Variants in PTPRG observed in about 807,000 individuals in gnomAD.
PTPRG encodes the protein protein tyrosine phosphatase receptor type G, also known as receptor-type tyrosine-protein phosphatase gamma.
Under a neutral mutation model 165.3 loss-of-function variants are expected in PTPRG, and 102 were observed. That is an observed-to-expected ratio of 0.62 (90% CI 0.53 to 0.73). The LOEUF (loss-of-function observed/expected upper bound fraction) is 0.73, where lower values mean the gene tolerates loss of function less well. PTPRG is among the 30% of genes least tolerant of loss of function. The pLI, the probability that PTPRG is intolerant of heterozygous loss-of-function variation, is 0.00. For missense variants in PTPRG, 1,866 were observed against 1,861.4 expected (o/e 1.00, Z -0.05); for synonymous variants, 675 against 669.5 (o/e 1.01, Z -0.13).
chr3:61,606,175 C>G (rs1203401597), intron 1 of PTPRG, among the ~76,000 whole-genome samples: 1 of 152,222 alleles, frequency 6.6e-6, no homozygotes, highest in East Asian at 1.9e-4. Flanking sequence ...GGGCTGTGAT[C>G]TCATCGGAGG....
At chr3:62,276,650 GA>G (rs1323083665) in intron 24 of PTPRG, 1 of 279,002 alleles carries the variant, frequency 3.6e-6, no homozygotes, top group Non-Finnish European at 6.7e-6. Flanking sequence ...ATAATTGTAG[GA>G]ATAACAAACT....
intron 2 of PTPRG, among the ~76,000 whole-genome samples, chr3:61,932,764 C>G (rs1271164136): frequency 6.6e-6 from 1 of 152,196 alleles, no homozygotes; most frequent in Non-Finnish European, 1.5e-5. Flanking sequence ...AAATCTTGGT[C>G]AGAAACAATT....
At chr3:61,943,579 A>G (rs2039685249) in intron 2 of PTPRG, among the ~76,000 whole-genome samples, 1 of 152,212 alleles carries the variant, frequency 6.6e-6, no homozygotes, top group African/African-American at 2.4e-5. Context: ...CTCTGTCTCA[A>G]AATAATAATA....
Position 62,099,643 on chromosome 3 carries a change from T to C in PTPRG, c.615+21385T>C, listed in dbSNP as rs539743476. 2.6e-5 allele frequency among the ~76,000 whole-genome samples: 4 copies of C among 152,182 alleles called. No homozygotes were observed. In the East Asian group the frequency reaches 7.7e-4, roughly 29 times the overall value. ...TGAGCCATGTTATTAATTAATACTG[T>C]TATTGATAAAATGTTAATACCATAA... On this transcript the variant is annotated intron_variant, in intron 5 of 29. Transcript: ENST00000474889.
At chr3:61,659,390 G>T (rs949558488) in intron 1 of PTPRG, 1 of 985,118 alleles carries the variant, frequency 1.0e-6, no homozygotes, top group African/African-American at 1.7e-5. Flanking sequence ...CTTCACTGGA[G>T]AAGAAGATAG....
At chr3:61,705,503 T>C (rs1248385833) in intron 1 of PTPRG, among the ~76,000 whole-genome samples, 1 of 150,506 alleles carries the variant, frequency 6.6e-6, no homozygotes, top group Non-Finnish European at 1.5e-5. Context: ...CCAATAGAGA[T>C]GTTTAAAGAA....
intron 19 of PTPRG, 128 bp from the exon 20 acceptor site, chr3:62,268,907 C>T (rs139479818): frequency 1.5e-5 from 16 of 1,049,238 alleles, no homozygotes; most frequent in East Asian, 1.1e-4. Context: ...GTTAAACTCA[C>T]GTATTCCTTT....
At chr3:61,785,998 C>T (rs1211036405) in intron 2 of PTPRG, among the ~76,000 whole-genome samples, 1 of 152,138 alleles carries the variant, frequency 6.6e-6, no homozygotes, top group Non-Finnish European at 1.5e-5. Context: ...TCTGTAGTCC[C>T]CTCTCTAAAC....
chr3:62,214,122 CA>C lies in PTPRG; in HGVS notation c.2156-4728del, dbSNP rs2106872175. Among the ~76,000 whole-genome samples the C allele has an allele frequency of 6.6e-6, 1 of 152,338 alleles. No homozygotes were observed. The highest frequency in any genetic ancestry group is 6.5e-5 in the Admixed American group (1 of 15,298). On this transcript the variant is annotated intron_variant, in intron 12 of 29. Coordinates refer to ENST00000474889, the MANE Select transcript of PTPRG (RefSeq NM_002841.4). The surrounding 1 kb of genome is among the most constrained non-coding windows in gnomAD (Gnocchi z 5.2). ...TCTTTACCAGCAATCTCATCATAGG[CA>C]GCCCTTTGTGCTGATACTCAGCACA...
chr3:62,265,896 T>TACACACACACACACACACACACACACAC (rs143246257), intron 17 of PTPRG, among the ~76,000 whole-genome samples: 3,796 of 130,322 alleles, frequency 0.029, 116 homozygotes, highest in African/African-American at 0.031. Flanking sequence ...GTGCCTTATA[T>TACACACACACACACACACACACACACAC]ACACACACAC....
At chr3:61,723,697 A>T (rs1393034637) in intron 1 of PTPRG, among the ~76,000 whole-genome samples, 2 of 152,254 alleles carry the variant, frequency 1.3e-5, no homozygotes, top group East Asian at 3.9e-4. Flanking sequence ...GTTCCATCTT[A>T]CAGGATTACA....
At chr3:61,923,041 G>T (rs185730469) in intron 2 of PTPRG, among the ~76,000 whole-genome samples, 1 of 152,142 alleles carries the variant, frequency 6.6e-6, no homozygotes, top group East Asian at 1.9e-4. Flanking sequence ...ACTAGGTATT[G>T]TATCATTGTT....
At chr3:61,793,779 C>T (rs1466990783) in intron 2 of PTPRG, among the ~76,000 whole-genome samples, 1 of 152,116 alleles carries the variant, frequency 6.6e-6, no homozygotes, top group Admixed American at 6.5e-5. Context: ...TGTCTCCACC[C>T]CTTGCCAGTT....
intron 19 of PTPRG, among the ~76,000 whole-genome samples, chr3:62,268,169 A>T (rs1576199855): frequency 6.6e-6 from 1 of 152,124 alleles, no homozygotes; most frequent in Admixed American, 6.5e-5. Context: ...GGGTGTTCTA[A>T]GTACAGGGGA....
At chr3:62,085,583 G>T (rs1348245824) in intron 5 of PTPRG, among the ~76,000 whole-genome samples, 1 of 152,022 alleles carries the variant, frequency 6.6e-6, no homozygotes, top group Non-Finnish European at 1.5e-5. Context: ...CCTCTTTCTT[G>T]CATTTTTCTT....
intron 1 of PTPRG, among the ~76,000 whole-genome samples, chr3:61,580,555 T>C (rs1424781670): frequency 1.3e-5 from 2 of 152,088 alleles, no homozygotes; most frequent in African/African-American, 4.8e-5. Context: ...CAGGATGGTG[T>C]CCATCTCTTG....
intron 1 of PTPRG, among the ~76,000 whole-genome samples, chr3:61,735,224 AT>A (rs1275746552): frequency 6.6e-6 from 1 of 152,168 alleles, no homozygotes; most frequent in Non-Finnish European, 1.5e-5. Flanking sequence ...TGTGGTTAGA[AT>A]TTTTTTAATT....
At chr3:62,272,159 TAATA>T (rs1447583081) in intron 21 of PTPRG, among the ~76,000 whole-genome samples, 1 of 152,092 alleles carries the variant, frequency 6.6e-6, no homozygotes, top group Non-Finnish European at 1.5e-5. Flanking sequence ...AGCCTGATCC[TAATA>T]AATAAAAATA....
At chr3:61,762,767 AG>A (rs1481386196) in intron 2 of PTPRG, among the ~76,000 whole-genome samples, 3 of 152,124 alleles carry the variant, frequency 2.0e-5, no homozygotes, top group South Asian at 4.1e-4. Context: ...TCCTGGCCTA[AG>A]CGTAAGGGCA....
Sources: allele counts gnomAD v4.1 joint callset (sites outside exome capture counted in the v4.1 genomes callset), GRCh38; gene constraint gnomAD v4.1.1; non-coding constraint Gnocchi (gnomAD v3.1); transcripts MANE v1.5; gene names NCBI Gene and HGNC (gene_info 2026-07-23, HGNC 2026-07-21).